The following ERC1 variants were observed in gnomAD, a reference collection of about 807,000 sequenced individuals.
The protein encoded by ERC1 is RAB6 interacting protein 2.
ERC1 carries 56 observed loss-of-function variants against 132.0 expected under a neutral mutation model. The ratio of observed to expected loss-of-function variants is 0.42; its 90% CI spans 0.34 to 0.53. The LOEUF (loss-of-function observed/expected upper bound fraction) is 0.53, where lower values mean the gene tolerates loss of function less well. ERC1 is among the 20% of genes least tolerant of loss of function. The pLI is 0.03. For missense variants in ERC1, 1,202 were observed against 1,349.9 expected (o/e 0.89, Z 1.72); for synonymous variants, 478 against 476.1 (o/e 1.00, Z -0.05).
intron 7 of ERC1, among the ~76,000 whole-genome samples, chr12:1,132,034 T>G (rs1320651196): frequency 6.6e-6 from 1 of 152,192 alleles, no homozygotes; most frequent in African/African-American, 2.4e-5. Context: ...TTGAGGGGTT[T>G]TCCTGAATAT....
intron 18 of ERC1, among the ~76,000 whole-genome samples, chr12:1,476,282 G>A (rs954961561): frequency 1.6e-4 from 24 of 151,354 alleles, no homozygotes; most frequent in Admixed American, 6.6e-5. Flanking sequence ...TTAGCCAGGC[G>A]TGGTGGCACT....
intron 12 of ERC1, among the ~76,000 whole-genome samples, chr12:1,200,230 C>G (rs567081797): frequency 1.3e-5 from 2 of 152,204 alleles, no homozygotes; most frequent in Non-Finnish European, 2.9e-5. Context: ...GATGATATTA[C>G]CAATTTTTGG....
At chr12:1,323,443 T>A (rs57845904) in intron 15 of ERC1, among the ~76,000 whole-genome samples, 2,935 of 152,310 alleles carry the variant, frequency 0.019, 102 homozygotes, top group African/African-American at 0.068. Context: ...GGTATCTATA[T>A]AAATTATATT....
intron 18 of ERC1, among the ~76,000 whole-genome samples, chr12:1,467,121 A>AG (rs1187980531): frequency 6.6e-6 from 1 of 152,222 alleles, no homozygotes; most frequent in African/African-American, 2.4e-5. Flanking sequence ...TAATGTTATC[A>AG]GACTGGAAAC....
intron 15 of ERC1, among the ~76,000 whole-genome samples, chr12:1,367,722 C>G: frequency 6.6e-6 from 1 of 151,990 alleles, no homozygotes; most frequent in Non-Finnish European, 1.5e-5. Context: ...GCACAAATGC[C>G]GCAGCAGAGC....
At chr12:1,100,145 G>T (rs1174563994) in intron 3 of ERC1, among the ~76,000 whole-genome samples, 1 of 152,058 alleles carries the variant, frequency 6.6e-6, no homozygotes, top group African/African-American at 2.4e-5. Context: ...ACCGCTCCCA[G>T]CCGAGACTTT....
chr12:1,165,505 A>ACCGT (rs1304563580), intron 8 of ERC1, among the ~76,000 whole-genome samples: 2 of 151,972 alleles, frequency 1.3e-5, no homozygotes, highest in Admixed American at 6.6e-5. Context: ...ACGGGGTTTC[A>ACCGT]CCGTGTTAGC....
At chr12:1,370,957 C>G (rs182709193) in intron 15 of ERC1, among the ~76,000 whole-genome samples, 1 of 152,324 alleles carries the variant, frequency 6.6e-6, no homozygotes, top group East Asian at 1.9e-4. Context: ...AAGTGATCCA[C>G]CCACCTCAGC....
chr12:1,440,401 T>C (rs1249601420), intron 17 of ERC1, among the ~76,000 whole-genome samples: 1 of 150,524 alleles, frequency 6.6e-6, no homozygotes, highest in Admixed American at 6.6e-5. Context: ...AGAGACGGGG[T>C]TTCACCGTGT....
intron 1 of ERC1, among the ~76,000 whole-genome samples, chr12:1,003,096 C>CAAAAAAAAAAAAAAAAAAAAAAATAAA (rs59507923): frequency 1.2e-5 from 1 of 86,916 alleles, no homozygotes; most frequent in Non-Finnish European, 2.0e-5. Flanking sequence ...ATGAAAAATG[C>CAAAAAAAAAAAAAAAAAAAAAAATAAA]AAAAAAAAAA....
chr12:1,293,623 C>CT (rs2079664906), intron 15 of ERC1, among the ~76,000 whole-genome samples: 1 of 147,714 alleles, frequency 6.8e-6, no homozygotes, highest in Non-Finnish European at 1.5e-5. Flanking sequence ...GAGTGAAACT[C>CT]TGTCTCAAAA....
At chr12:1,388,271 A>T (rs1319084894) in intron 16 of ERC1, among the ~76,000 whole-genome samples, 1 of 147,126 alleles carries the variant, frequency 6.8e-6, no homozygotes, top group Non-Finnish European at 1.5e-5. Flanking sequence ...AATGGTGTGA[A>T]CCCGGGAGGC....
intron 17 of ERC1, among the ~76,000 whole-genome samples, chr12:1,424,901 G>A (rs150395347): frequency 6.7e-6 from 1 of 150,188 alleles, no homozygotes; most frequent in African/African-American, 2.5e-5. Context: ...TAGATAGATA[G>A]ATAGATAGAT....
chr12:1,100,775 A>G (rs1944570974), intron 3 of ERC1, among the ~76,000 whole-genome samples: 2 of 152,230 alleles, frequency 1.3e-5, no homozygotes, highest in Admixed American at 6.5e-5. Flanking sequence ...ACTCCAGGAA[A>G]GTAAAGGTAC....
chr12:1,160,285 T>C (rs1420847739), intron 8 of ERC1, among the ~76,000 whole-genome samples: 10 of 152,256 alleles, frequency 6.6e-5, no homozygotes, highest in Non-Finnish European at 1.5e-4. Flanking sequence ...AAGAAACTGC[T>C]GATCAGATTG....
chr12:1,428,956 A>G (rs927161748), intron 17 of ERC1, among the ~76,000 whole-genome samples: 1 of 152,216 alleles, frequency 6.6e-6, no homozygotes, highest in Non-Finnish European at 1.5e-5. Flanking sequence ...GGGTAGCTGC[A>G]CTGTATCCCT....
chr12:1,235,885 C>T (rs996979150), intron 12 of ERC1, among the ~76,000 whole-genome samples: 11 of 152,056 alleles, frequency 7.2e-5, no homozygotes, highest in African/African-American at 2.4e-4. Flanking sequence ...TTTAAAATGG[C>T]AAGAAGATGG....
intron 16 of ERC1, among the ~76,000 whole-genome samples, chr12:1,395,989 A>G (rs949469275): frequency 7.9e-5 from 12 of 152,150 alleles, no homozygotes; most frequent in East Asian, 3.8e-4. Context: ...ATAATCAACA[A>G]TTTTCCTTTT....
chr12:1,284,300 G>GTGTC (rs2078897097), intron 14 of ERC1, among the ~76,000 whole-genome samples: 1 of 146,302 alleles, frequency 6.8e-6, no homozygotes, highest in Admixed American at 6.7e-5. Flanking sequence ...GTGTGTGTGT[G>GTGTC]TGTGTGTGTA....
Sources: allele counts gnomAD v4.1 joint callset (sites outside exome capture counted in the v4.1 genomes callset), GRCh38; gene constraint gnomAD v4.1.1; transcripts MANE v1.5; gene names NCBI Gene and HGNC (gene_info 2026-07-23, HGNC 2026-07-21).